TMPRSS9: variants seen among roughly 807,000 people sequenced by gnomAD.
TMPRSS9 encodes the protein transmembrane protease serine 9.
Under a neutral mutation model 111.4 loss-of-function variants are expected in TMPRSS9, and 113 were observed. The observed-to-expected ratio is 1.01, with a 90% CI of 0.87 to 1.19. TMPRSS9 has a LOEUF of 1.19. TMPRSS9 is among the 50% of genes most tolerant of loss of function. The pLI, the probability that TMPRSS9 is intolerant of heterozygous loss-of-function variation, is 0.00. For synonymous variants in TMPRSS9, 805 were observed against 659.1 expected, an observed-to-expected ratio of 1.22 and a Z score of -3.39; for missense variants, 1,803 against 1,513.1, an observed-to-expected ratio of 1.19 and a Z score of -3.18.
intron 6 of TMPRSS9, 97 bp from the exon 8 acceptor site, chr19:2,405,277 G>C (rs1970944951): frequency 2.1e-6 from 3 of 1,438,058 alleles, no homozygotes; most frequent in Non-Finnish European, 1.8e-6. Flanking sequence ...TTTGAACTTA[G>C]GGACTGTAGA....
chr19:2,399,276 C>A, intron 4 of TMPRSS9, 83 bp downstream of exon 5: 1 of 1,469,390 alleles, frequency 6.8e-7, no homozygotes, highest in Non-Finnish European at 9.0e-7. Context: ...TGATAACCAC[C>A]CCTTCCCATA....
chr19:2,405,539 T>C lies in TMPRSS9; in HGVS notation c.836T>C (p.Phe279Ser), dbSNP rs1970950744. Residue 279 changes from phenylalanine (F) to serine (S), a missense_variant, in exon 7 of 18, where the codon TTC becomes TCC. Transcript: ENST00000648592. The stretch of plus-strand genomic sequence containing the variant: ...TGGCTGGTGTCTGCTGCTCACTGCT[T>C]CAATGAGTAAGCCCCCATCCCAAAG... 6.4e-7 allele frequency: 1 copy of C among 1,570,050 alleles called. No homozygotes were observed. Among genetic ancestry groups the C allele is most frequent in the African/African-American group, 1.4e-5 (1 of 72,418 alleles).
At chr19:2,364,703 G>T (rs1468131944) in intron 1 of TMPRSS9, among the ~76,000 whole-genome samples, 2 of 152,046 alleles carry the variant, frequency 1.3e-5, no homozygotes, top group Admixed American at 6.6e-5. Flanking sequence ...GAGCAAAACT[G>T]GGCCGGGAAC....
chr19:2,424,072 G>T lies in TMPRSS9; in HGVS notation c.2549-17G>T, dbSNP rs1446553310. 2.4e-6 allele frequency: 3 copies of T among 1,262,412 alleles called. No homozygotes were observed. Among genetic ancestry groups the T allele is most frequent in the East Asian group, 3.2e-5 (1 of 31,744 alleles). The allele number at this position is 1,262,412 out of a possible 1,614,324, so 78.2% of individuals were successfully genotyped here. Reference sequence around the variant, plus strand: ...GTGCCCTGGGTCCGCCTGCCCACGCGCCTGGCTCCCCCGCAGACTGTGGCC... The same window carrying T: ...GTGCCCTGGGTCCGCCTGCCCACGCTCCTGGCTCCCCCGCAGACTGTGGCC... On this transcript the variant is annotated splice_polypyrimidine_tract_variant and intron_variant, in intron 14 of 17. Coordinates refer to ENST00000648592, the Ensembl canonical transcript of TMPRSS9.
At chr19:2,424,545 C>G (rs1448018646) in intron 15 of TMPRSS9, among the ~76,000 whole-genome samples, 1 of 86,902 alleles carries the variant, frequency 1.2e-5, no homozygotes, top group Non-Finnish European at 2.6e-5. Context: ...CCCCCCCCCT[C>G]CAGCTCCAGG....
rs1337991390 is a variant in TMPRSS9, at chr19:2,402,065, G to T, written c.556+49G>T. On this transcript the variant is annotated intron_variant, in intron 5 of 17. Coordinates refer to ENST00000648592, the Ensembl canonical transcript of TMPRSS9. The stretch of plus-strand genomic sequence containing the variant: ...TCTCTGATTGCAGTTACTGACAGAG[G>T]TTTCCTAAGACTCATTTCAAGGAAG... 5 of 1,566,544 alleles carry T rather than the reference G, an allele frequency of 3.2e-6. No homozygotes were observed. The South Asian group carries it at 5.5e-5, about 17-fold the overall frequency.
At chr19:2,413,648 G>C (rs1971146473) in intron 9 of TMPRSS9, 52 bp from the exon 11 acceptor site, 1 of 1,554,862 alleles carries the variant, frequency 6.4e-7, no homozygotes, top group African/African-American at 1.3e-5. Flanking sequence ...TAGCACTGGT[G>C]TCTGGACTGG....
intron 15 of TMPRSS9, 86 bp downstream of exon 16, chr19:2,424,343 C>A (rs1239096942): frequency 8.0e-7 from 1 of 1,250,662 alleles, no homozygotes; most frequent in Non-Finnish European, 1.0e-6. Flanking sequence ...ACCCTGACCC[C>A]CTCCTTTGCC....
chr19:2,371,246 C>A (rs1301481903), intron 1 of TMPRSS9, among the ~76,000 whole-genome samples: 1 of 152,168 alleles, frequency 6.6e-6, no homozygotes, highest in Non-Finnish European at 1.5e-5. Context: ...CGTTCACAGT[C>A]GCTCACTCGT....
chr19:2,372,055 A>G (rs1970295599), intron 1 of TMPRSS9, among the ~76,000 whole-genome samples: 1 of 152,106 alleles, frequency 6.6e-6, no homozygotes. Flanking sequence ...TATTTTTAGT[A>G]GATGGGGGCC....
Position 2,368,110 on chromosome 19 carries a change from T to G in TMPRSS9, c.-26+7750T>G, listed in dbSNP as rs531664167. Among the ~76,000 whole-genome samples, 39 of 152,258 alleles carry G rather than the reference T, an allele frequency of 2.6e-4. 1 individual carries two copies. In the East Asian group the frequency reaches 7.3e-3, roughly 29 times the overall value. ...ATCAAATTGTAACTCTCTGGATTTG[T>G]GGGGCCGGAGAGGCAGAGGGAAATA... On this transcript the variant is annotated intron_variant, in intron 1 of 17. Transcript: ENST00000649857.
rs374596262 is a variant in TMPRSS9 at position 2,415,854 on chromosome 19, T to G, written c.1745+13T>G. The G allele has an allele frequency of 8.5e-5, 133 of 1,562,456 alleles. No individual in the cohort carries two copies. The highest frequency in any genetic ancestry group is 1.6e-4 in the Admixed American group (9 of 55,818). On this transcript the variant is annotated intron_variant, in intron 11 of 17. Transcript: ENST00000648592. ...ACTGCTTCAACCAGTAAGGCCCGCC[T>G]CCTCCAGGAAGGCTGCCCGGCTTCC... is the stretch of plus-strand genomic sequence containing the variant.
intron 1 of TMPRSS9, among the ~76,000 whole-genome samples, chr19:2,370,719 CT>C (rs1006407951): frequency 5.3e-5 from 8 of 152,130 alleles, no homozygotes; most frequent in Non-Finnish European, 1.2e-4. Context: ...CTTTCTTTTG[CT>C]TTTGCTTTCT....
Position 2,425,510 on chromosome 19 carries a change from C to A in TMPRSS9, c.3120+17C>A, listed in dbSNP as rs1971600048. 2 of 1,554,246 alleles carry A rather than the reference C, an allele frequency of 1.3e-6. No homozygotes were observed. Among genetic ancestry groups the A allele is most frequent in the Non-Finnish European group, 1.7e-6 (2 of 1,158,138 alleles). The stretch of plus-strand genomic sequence containing the variant: ...AGCTGCTCGGTGAGCCCCGCCCCGG[C>A]CCAGGGGACCAGGTCCCGCCCAGCC... On this transcript the variant is annotated intron_variant, in intron 17 of 17. Transcript: ENST00000648592.
intron 1 of TMPRSS9, among the ~76,000 whole-genome samples, chr19:2,363,513 G>A (rs1046290425): frequency 7.2e-5 from 11 of 151,750 alleles, no homozygotes; most frequent in African/African-American, 2.7e-4. Context: ...AGTTGTGGGG[G>A]GGTGGGGGGA....
intron 9 of TMPRSS9, 86 bp downstream of exon 10, chr19:2,410,480 A>G: frequency 6.6e-7 from 1 of 1,526,614 alleles, no homozygotes. Context: ...AGATATCTGG[A>G]TGCCCGCTGT....
intron 1 of TMPRSS9, among the ~76,000 whole-genome samples, chr19:2,373,073 T>C (rs181125245): frequency 1.3e-5 from 2 of 152,156 alleles, no homozygotes; most frequent in African/African-American, 4.8e-5. Context: ...CCTCAAGTGA[T>C]CCTCCCTCCT....
At chr19:2,396,423 T>A in intron 1 of TMPRSS9, 116 bp from the exon 3 acceptor site, 1 of 1,306,914 alleles carries the variant, frequency 7.7e-7, no homozygotes, top group Non-Finnish European at 1.0e-6. Flanking sequence ...CCACTGCGTG[T>A]CAGGAGTGAC....
intron 1 of TMPRSS9, among the ~76,000 whole-genome samples, chr19:2,378,497 A>G (rs974431717): frequency 6.6e-6 from 1 of 150,936 alleles, no homozygotes; most frequent in Admixed American, 6.7e-5. Context: ...AGGTGAGTGG[A>G]TCACAAGCCC....
Sources: gnomAD v4.1 joint callset for allele counts (sites outside exome capture counted in the v4.1 genomes callset) on GRCh38, gnomAD v4.1.1 for gene constraint, MANE v1.5 for transcripts, NCBI Gene and HGNC (gene_info 2026-07-23, HGNC 2026-07-21) for gene names.